Variants in RBM33 observed in about 807,000 individuals in gnomAD.
RBM33 encodes the protein RNA-binding protein 33.
A neutral mutation model predicts 132.6 loss-of-function variants in RBM33; 28 were observed. The ratio of observed to expected loss-of-function variants is 0.21; its 90% CI spans 0.16 to 0.29. The LOEUF (loss-of-function observed/expected upper bound fraction) is 0.29. Among genes scored for constraint, RBM33 ranks in the 10% least tolerant of loss-of-function variants. The pLI, the probability that RBM33 is intolerant of heterozygous loss-of-function variation, is 1.00. For missense variants in RBM33, 1,291 were observed against 1,518.5 expected, an observed-to-expected ratio of 0.85 and a Z score of 2.49; for synonymous variants, 634 against 593.0, an observed-to-expected ratio of 1.07 and a Z score of -1.01.
intron 5 of RBM33, chr7:155,684,983 G>A (rs1799433919): frequency 6.4e-7 from 1 of 1,550,558 alleles, no homozygotes; most frequent in Non-Finnish European, 8.7e-7. Flanking sequence ...TGCAAGAGCA[G>A]GAAGACTGTG....
At chr7:155,704,200 T>C (rs1800047440) in intron 6 of RBM33, among the ~76,000 whole-genome samples, 1 of 152,198 alleles carries the variant, frequency 6.6e-6, no homozygotes, top group South Asian at 2.1e-4. Context: ...TGTTGATTGG[T>C]ATTTTGAATG....
At chr7:155,661,560 A>T (rs1302184577) in intron 1 of RBM33, among the ~76,000 whole-genome samples, 3 of 151,764 alleles carry the variant, frequency 2.0e-5, no homozygotes, top group Non-Finnish European at 1.5e-5. Context: ...GGTGTGTGCC[A>T]TCACATCTGG....
intron 14 of RBM33, among the ~76,000 whole-genome samples, chr7:155,754,634 T>C: frequency 6.6e-6 from 1 of 152,244 alleles, no homozygotes; most frequent in Non-Finnish European, 1.5e-5. Context: ...CTTTGGTTTG[T>C]TCCTTCAAAG....
chr7:155,718,288 G>A (rs1375963771), intron 8 of RBM33, 97 bp from the exon 9 acceptor site: 8 of 892,984 alleles, frequency 9.0e-6, no homozygotes, highest in Admixed American at 5.3e-5. Context: ...TGTCTGGTAC[G>A]CATAGTATAT....
At chr7:155,710,010 C>T (rs1800234579) in intron 7 of RBM33, among the ~76,000 whole-genome samples, 1 of 152,196 alleles carries the variant, frequency 6.6e-6, no homozygotes, top group African/African-American at 2.4e-5. Flanking sequence ...TGGTCTCCTT[C>T]CGTCTTCTTT....
At chr7:155,731,394 G>A (rs1320371671) in intron 9 of RBM33, among the ~76,000 whole-genome samples, 1 of 152,188 alleles carries the variant, frequency 6.6e-6, no homozygotes, top group Non-Finnish European at 1.5e-5. Flanking sequence ...GGCACAATAA[G>A]AGATGAACAG....
At chr7:155,678,898 G>A (rs932937728) in intron 4 of RBM33, among the ~76,000 whole-genome samples, 6 of 152,314 alleles carry the variant, frequency 3.9e-5, no homozygotes, top group East Asian at 1.9e-4. Context: ...TTGGCCAGGC[G>A]TTGTAGCTCG....
chr7:155,754,756 C>A (rs149194056), intron 14 of RBM33, among the ~76,000 whole-genome samples: 4 of 152,330 alleles, frequency 2.6e-5, no homozygotes, highest in African/African-American at 9.6e-5. Context: ...TCTCACCATA[C>A]CGTACTAGAA....
chr7:155,673,800 A>ACACACACACACACC (rs369078260), intron 3 of RBM33, among the ~76,000 whole-genome samples: 13 of 141,858 alleles, frequency 9.2e-5, no homozygotes, highest in South Asian at 2.1e-4. Flanking sequence ...ACACACACAC[A>ACACACACACACACC]CCCCTACCAG....
At chr7:155,695,844 T>G (rs2116949157) in intron 5 of RBM33, among the ~76,000 whole-genome samples, 1 of 152,338 alleles carries the variant, frequency 6.6e-6, no homozygotes, top group Non-Finnish European at 1.5e-5. Flanking sequence ...AAGAAATCTT[T>G]GTTTACTCCA....
chr7:155,675,789 C>G (rs933756874), intron 3 of RBM33, among the ~76,000 whole-genome samples: 9 of 152,132 alleles, frequency 5.9e-5, no homozygotes, highest in African/African-American at 9.7e-5. Flanking sequence ...TTTAATGGTT[C>G]TTGTCTTGTA....
chr7:155,702,723 A>G (rs1317474544), intron 6 of RBM33, among the ~76,000 whole-genome samples: 2 of 152,218 alleles, frequency 1.3e-5, no homozygotes, highest in Non-Finnish European at 2.9e-5. Flanking sequence ...CCTGGAAGGC[A>G]TAAAGCTTCC....
rs754067858 is a variant in RBM33, at chr7:155,682,236, A to C, written c.567+1328A>C. Among the ~76,000 whole-genome samples, 12 of 152,080 alleles carry C rather than the reference A, an allele frequency of 7.9e-5. No individual in the cohort carries two copies. In the Middle Eastern group the frequency reaches 0.01, roughly 129 times the overall value. ...GTGCCTGGCCCTCAATAGTTTTAAG[A>C]TTTAATTTTTTTTGGTTAATATTTG... On this transcript the variant is annotated intron_variant, in intron 5 of 17. Transcript: ENST00000401878.
At chr7:155,673,053 T>G in intron 3 of RBM33, 138 bp downstream of exon 3, 1 of 509,846 alleles carries the variant, frequency 2.0e-6, no homozygotes, top group Non-Finnish European at 3.4e-6. Context: ...AATTATTTTT[T>G]AAGTGCGCAG....
At chr7:155,695,888 C>T (rs751839474) in intron 5 of RBM33, among the ~76,000 whole-genome samples, 1 of 152,094 alleles carries the variant, frequency 6.6e-6, no homozygotes, top group African/African-American at 2.4e-5. Flanking sequence ...GGACACTTTA[C>T]AGTATTAATT....
intron 6 of RBM33, among the ~76,000 whole-genome samples, chr7:155,706,379 A>G (rs1481683898): frequency 6.6e-6 from 1 of 152,170 alleles, no homozygotes. Flanking sequence ...GTGTAGTCCC[A>G]GCTACTTGGG....
At chr7:155,718,709 TTTA>T (rs1800536873) in intron 9 of RBM33, among the ~76,000 whole-genome samples, 1 of 152,126 alleles carries the variant, frequency 6.6e-6, no homozygotes, top group African/African-American at 2.4e-5. Flanking sequence ...GAATATTGAT[TTTA>T]TTATTGCCTT....
intron 5 of RBM33, among the ~76,000 whole-genome samples, chr7:155,683,007 T>TAA (rs529156490): frequency 7.6e-5 from 11 of 145,550 alleles, no homozygotes; most frequent in African/African-American, 2.3e-4. Context: ...AGTCTTGAAG[T>TAA]AAAAAAAAAA....
At chr7:155,746,005 A>G (rs985282521) in intron 14 of RBM33, among the ~76,000 whole-genome samples, 1 of 152,180 alleles carries the variant, frequency 6.6e-6, no homozygotes, top group Non-Finnish European at 1.5e-5. Flanking sequence ...GTACAGTAAA[A>G]ATACAGTGTC....
Sources: allele counts gnomAD v4.1 joint callset (sites outside exome capture counted in the v4.1 genomes callset), GRCh38; gene constraint gnomAD v4.1.1; transcripts MANE v1.5; gene names NCBI Gene and HGNC (gene_info 2026-07-23, HGNC 2026-07-21).